PDE4D: variants seen among roughly 807,000 people sequenced by gnomAD.
The protein encoded by PDE4D is phosphodiesterase 4D, also known as 3',5'-cyclic-AMP phosphodiesterase 4D.
Under a neutral mutation model 87.4 loss-of-function variants are expected in PDE4D, and 24 were observed. That is an observed-to-expected ratio of 0.27 (90% CI 0.20 to 0.39). The LOEUF (loss-of-function observed/expected upper bound fraction) is 0.39, where lower values mean the gene tolerates loss of function less well. Ranked by LOEUF, PDE4D falls within the 10% of genes least tolerant of loss-of-function variation. The pLI is 1.00. For missense variants in PDE4D, 714 were observed against 1,041.0 expected (o/e 0.69, Z 4.32); for synonymous variants, 384 against 383.2 (o/e 1.00, Z -0.02).
At chr5:60,031,081 C>T (rs1039664072) in intron 2 of PDE4D, 8 of 152,116 alleles carry the variant, frequency 5.3e-5, no homozygotes, top group African/African-American at 1.9e-4. Flanking sequence ...TAGTGGACAA[C>T]TAAGAACACT....
At chr5:59,297,911 G>T (rs1347883103) in intron 1 of PDE4D, among the ~76,000 whole-genome samples, 1 of 152,042 alleles carries the variant, frequency 6.6e-6, no homozygotes, top group Non-Finnish European at 1.5e-5. Flanking sequence ...CTGGAGTAAT[G>T]TGGATTTACT....
At chr5:60,316,347 C>A (rs1171650394) in intron 1 of PDE4D, among the ~76,000 whole-genome samples, 2 of 152,134 alleles carry the variant, frequency 1.3e-5, no homozygotes, top group South Asian at 2.1e-4. Flanking sequence ...TATCCTGAGA[C>A]TTTGCTGAAG....
At chr5:60,230,103 G>A (rs1190428197) in intron 1 of PDE4D, among the ~76,000 whole-genome samples, 1 of 152,046 alleles carries the variant, frequency 6.6e-6, no homozygotes, top group Admixed American at 6.6e-5. Context: ...GGCTGTGCTG[G>A]ATTACAACTG....
chr5:60,226,778 C>T (rs566557401), intron 1 of PDE4D, among the ~76,000 whole-genome samples: 7 of 151,918 alleles, frequency 4.6e-5, no homozygotes, highest in Non-Finnish European at 7.4e-5. Context: ...CCATCTGACA[C>T]TTCCAGTCCC....
intron 5 of PDE4D, among the ~76,000 whole-genome samples, chr5:59,052,009 C>G (rs1761627541): frequency 6.6e-6 from 1 of 152,106 alleles, no homozygotes; most frequent in Admixed American, 6.6e-5. Context: ...ATTTATTGAG[C>G]CTCTCTGATG....
At chr5:60,308,515 T>C (rs533057556) in intron 1 of PDE4D, among the ~76,000 whole-genome samples, 1 of 152,148 alleles carries the variant, frequency 6.6e-6, no homozygotes, top group Non-Finnish European at 1.5e-5. Context: ...CTTTGGTAAT[T>C]GGTGGCAAAA....
chr5:60,072,000 T>C (rs948727019), intron 2 of PDE4D, among the ~76,000 whole-genome samples: 2 of 152,154 alleles, frequency 1.3e-5, no homozygotes, highest in Admixed American at 6.6e-5. Flanking sequence ...TGTGTCTTTA[T>C]GATGAAACAG....
chr5:60,153,096 G>T (rs1781656040), intron 2 of PDE4D, among the ~76,000 whole-genome samples: 1 of 152,136 alleles, frequency 6.6e-6, no homozygotes. Context: ...GCAACCCATG[G>T]AATAGGAGAA....
At chr5:59,286,635 A>G (rs1767006745) in intron 1 of PDE4D, among the ~76,000 whole-genome samples, 1 of 152,154 alleles carries the variant, frequency 6.6e-6, no homozygotes, top group Non-Finnish European at 1.5e-5. Context: ...AAATATTTCA[A>G]TTATTTAGAT....
intron 1 of PDE4D, among the ~76,000 whole-genome samples, chr5:59,575,454 A>T (rs1255035735): frequency 6.6e-6 from 1 of 152,204 alleles, no homozygotes; most frequent in Non-Finnish European, 1.5e-5. Context: ...ATTAGTTTTG[A>T]AGAAATGGTG....
chr5:59,812,510 T>C (rs1768470804), intron 1 of PDE4D, among the ~76,000 whole-genome samples: 1 of 152,056 alleles, frequency 6.6e-6, no homozygotes, highest in Non-Finnish European at 1.5e-5. Flanking sequence ...CTGTCTCTAC[T>C]AAAAATACAG....
At chr5:60,501,467 G>C (rs1266454076) in intron 1 of PDE4D, among the ~76,000 whole-genome samples, 1 of 151,402 alleles carries the variant, frequency 6.6e-6, no homozygotes, top group Non-Finnish European at 1.5e-5. Flanking sequence ...ACATACGTGT[G>C]CATGTGTCTT....
At chr5:59,609,459 A>T (rs913309177) in intron 1 of PDE4D, among the ~76,000 whole-genome samples, 1 of 151,994 alleles carries the variant, frequency 6.6e-6, no homozygotes, top group African/African-American at 2.4e-5. Context: ...ACAAAAAAGA[A>T]AAAAGATATG....
rs569038423 is a variant in PDE4D at position 59,103,651 on chromosome 5, T to C, written c.809-64680A>G. ...TCTGGCTGGCAAGCTTCTCCCTTTA[T>C]GTGAATATGATCTGCCTGACCCCTG... On this transcript the variant is annotated intron_variant, in intron 5 of 14. Coordinates refer to ENST00000340635, the MANE Select transcript of PDE4D (RefSeq NM_001104631.2). Among the ~76,000 whole-genome samples, 17 of 152,330 alleles carry C rather than the reference T, an allele frequency of 1.1e-4. No individual in the cohort carries two copies. The South Asian group carries it at 2.9e-3, about 26-fold the overall frequency.
In PDE4D at chr5:60,405,970, C is replaced by A. The variant is rs78071656; in HGVS notation, c.-90+81972G>T. Among the ~76,000 whole-genome samples, 317 of 152,264 alleles carry A rather than the reference C, an allele frequency of 2.1e-3. 9 individuals carry two copies. The East Asian group carries it at 0.046, about 22-fold the overall frequency. On this transcript the variant is annotated intron_variant, in intron 1 of 16. Transcript: ENST00000502484. ...CACCCACAGGGGTTCCTTATTCTAT[C>A]CAACAGATGGGCTCTGGGTGGCTCT...
intron 2 of PDE4D, among the ~76,000 whole-genome samples, chr5:60,015,737 C>A (rs1202072083): frequency 6.6e-6 from 1 of 152,088 alleles, no homozygotes; most frequent in Non-Finnish European, 1.5e-5. Flanking sequence ...GCAACAATAA[C>A]AAAAACAACT....
At chr5:59,750,823 C>T (rs150623737) in intron 1 of PDE4D, among the ~76,000 whole-genome samples, 2 of 151,942 alleles carry the variant, frequency 1.3e-5, no homozygotes, top group Admixed American at 1.3e-4. Flanking sequence ...GTAGTCCCAG[C>T]TACCTGAGAG....
intron 5 of PDE4D, among the ~76,000 whole-genome samples, chr5:59,079,336 G>C (rs1212534564): frequency 6.6e-6 from 1 of 152,098 alleles, no homozygotes; most frequent in Non-Finnish European, 1.5e-5. Context: ...AGAAAAATTA[G>C]AGAAAATTAA....
Position 59,587,512 on chromosome 5 carries a change from T to A in PDE4D, c.455+305656A>T. The stretch of plus-strand genomic sequence containing the variant: ...CTGCTGGAGTCCCCCAGCGCCGAAT[T>A]TCCAGCAGAACCTTTGGAATCCTCG... On this transcript the variant is annotated intron_variant, in intron 1 of 14. Coordinates refer to ENST00000340635, the MANE Select transcript of PDE4D (RefSeq NM_001104631.2). 3.0e-6 allele frequency: 3 copies of A among 985,410 alleles called. No homozygotes were observed. In the South Asian group the frequency reaches 1.4e-4, roughly 46 times the overall value. The allele number at this position is 985,410 out of a possible 1,614,324, so 61.0% of individuals were successfully genotyped here. A position where few individuals can be genotyped will look rare whatever the true frequency, so the allele number is the denominator to read the frequency against.
Sources: allele counts gnomAD v4.1 joint callset (sites outside exome capture counted in the v4.1 genomes callset), GRCh38; gene constraint gnomAD v4.1.1; transcripts MANE v1.5; gene names NCBI Gene and HGNC (gene_info 2026-07-23, HGNC 2026-07-21).